The following CAPZB variants were observed in gnomAD, a reference collection of about 807,000 sequenced individuals.
CAPZB encodes the protein F-actin-capping protein subunit beta.
A neutral mutation model predicts 38.1 loss-of-function variants in CAPZB; 2 were observed. The observed-to-expected ratio is 0.05, with a 90% CI of 0.02 to 0.17. The LOEUF is 0.17. CAPZB is among the 10% of genes least tolerant of loss of function. The pLI, the probability that CAPZB is intolerant of heterozygous loss-of-function variation, is 1.00. For synonymous variants in CAPZB, 107 were observed against 127.4 expected (o/e 0.84, Z 1.08); for missense variants, 161 against 334.2 (o/e 0.48, Z 4.04).
At position 19,454,427 on chromosome 1, in the gene CAPZB, A is replaced by G. The variant is rs371250692; in HGVS notation, c.3+31009T>C. On this transcript the variant is annotated intron_variant, in intron 1 of 8. Transcript: ENST00000264202. ...TTCCAGAGAAAGTCAAGCAAATGAT[A>G]TTTGGAGGGCTTTCCTGCTGCTTTT... Among the ~76,000 whole-genome samples, 7 of 152,284 alleles carry G rather than the reference A, an allele frequency of 4.6e-5. No individual in the cohort carries two copies. The East Asian group carries it at 1.2e-3, about 25-fold the overall frequency.
intron 1 of CAPZB, among the ~76,000 whole-genome samples, chr1:19,455,506 T>G (rs910754535): frequency 3.9e-5 from 6 of 152,298 alleles, no homozygotes; most frequent in Non-Finnish European, 7.4e-5. Flanking sequence ...TCAACACACA[T>G]GGTCTGTCCT....
intron 2 of CAPZB, among the ~76,000 whole-genome samples, chr1:19,408,990 A>C (rs536919837): frequency 2.0e-4 from 30 of 152,338 alleles, no homozygotes; most frequent in African/African-American, 7.0e-4. Flanking sequence ...ACTTATGAAA[A>C]TAAAAGGTTT....
rs575612888 is a variant in CAPZB at position 19,351,632 on chromosome 1, G to A, written c.588+5003C>T. On this transcript the variant is annotated intron_variant, in intron 6 of 8. Coordinates refer to ENST00000264202, the MANE Select transcript of CAPZB (RefSeq NM_004930.5). ...ATTATCAACACTGAGTTTCAAAGAG[G>A]TGGAGGTCTGTCTAGGTCACACAGC... Among the ~76,000 whole-genome samples, 9 of 152,286 alleles carry A rather than the reference G, an allele frequency of 5.9e-5. 1 individual carries two copies. The East Asian group carries it at 1.7e-3, about 29-fold the overall frequency.
At chr1:19,466,688 C>T (rs1177068911) in intron 1 of CAPZB, among the ~76,000 whole-genome samples, 1 of 152,194 alleles carries the variant, frequency 6.6e-6, no homozygotes, top group Non-Finnish European at 1.5e-5. Flanking sequence ...ACTCCTGGTA[C>T]AGTGCTCTTT....
At chr1:19,422,404 C>T (rs1253269192) in intron 1 of CAPZB, among the ~76,000 whole-genome samples, 2 of 152,170 alleles carry the variant, frequency 1.3e-5, no homozygotes, top group Admixed American at 6.6e-5. Context: ...TTCCCAGAAT[C>T]TGATTGACAA....
intron 1 of CAPZB, among the ~76,000 whole-genome samples, chr1:19,459,680 C>G (rs2100732459): frequency 6.6e-6 from 1 of 152,262 alleles, no homozygotes; most frequent in Middle Eastern, 3.4e-3. Context: ...AACAGTCCCC[C>G]TTACCTGCAG....
chr1:19,468,078 G>A (rs2094574395), intron 1 of CAPZB, among the ~76,000 whole-genome samples: 1 of 152,162 alleles, frequency 6.6e-6, no homozygotes, highest in African/African-American at 2.4e-5. Context: ...ACTCCAGCCT[G>A]GGTGACAGAG....
chr1:19,416,860 CAAAAAAAAAAAAA>C (rs59789230), intron 2 of CAPZB, among the ~76,000 whole-genome samples: 14 of 69,452 alleles, frequency 2.0e-4, no homozygotes, highest in Admixed American at 1.1e-3. Context: ...GACCCTGTCT[CAAAAAAAAAAAAA>C]AAAAAAAAAA....
intron 2 of CAPZB, among the ~76,000 whole-genome samples, chr1:19,407,661 G>A (rs1412019453): frequency 3.3e-5 from 5 of 152,178 alleles, no homozygotes; most frequent in African/African-American, 1.2e-4. Context: ...GAGGCTGCAA[G>A]GCTGGCTTGT....
rs150779475 is a variant in CAPZB, at chr1:19,388,185, C to T, written c.94-2559G>A. On this transcript the variant is annotated intron_variant, in intron 2 of 8. Transcript: ENST00000264202. ...CTCTACTCCTATCCAAGAGATTCAT[C>T]TATGAATCGAAAGCATCTGAGTAAT... is the stretch of plus-strand genomic sequence containing the variant. 3.2e-4 allele frequency among the ~76,000 whole-genome samples: 48 copies of T among 152,340 alleles called. No homozygotes were observed. In the East Asian group the frequency reaches 6.0e-3, roughly 19 times the overall value.
chr1:19,369,357 G>A (rs554525967), intron 4 of CAPZB, among the ~76,000 whole-genome samples: 7 of 152,370 alleles, frequency 4.6e-5, no homozygotes, highest in Admixed American at 2.6e-4. Context: ...AGGCTCAGCT[G>A]TACCCCTCCA....
chr1:19,372,941 C>G (rs1262263838), intron 4 of CAPZB, among the ~76,000 whole-genome samples: 1 of 152,192 alleles, frequency 6.6e-6, no homozygotes, highest in South Asian at 2.1e-4. Context: ...AGGTGACTTG[C>G]GAGCAGATAA....
intron 2 of CAPZB, among the ~76,000 whole-genome samples, chr1:19,400,292 A>C (rs1017573247): frequency 6.6e-6 from 1 of 152,112 alleles, no homozygotes; most frequent in African/African-American, 2.4e-5. Flanking sequence ...GGGGGTGATG[A>C]TGGAGAGGAG....
At chr1:19,373,198 T>C (rs546727517) in intron 4 of CAPZB, among the ~76,000 whole-genome samples, 2 of 152,086 alleles carry the variant, frequency 1.3e-5, no homozygotes, top group Admixed American at 1.3e-4. Context: ...CAGGAGCTAG[T>C]GGACTTCAGA....
intron 1 of CAPZB, among the ~76,000 whole-genome samples, chr1:19,455,091 G>A (rs903095521): frequency 6.6e-6 from 1 of 152,272 alleles, no homozygotes; most frequent in Non-Finnish European, 1.5e-5. Flanking sequence ...CAGCCTGGCT[G>A]TGGAGACAGA....
At chr1:19,366,733 T>C (rs1394732845) in intron 4 of CAPZB, among the ~76,000 whole-genome samples, 1 of 152,080 alleles carries the variant, frequency 6.6e-6, no homozygotes, top group African/African-American at 2.4e-5. Context: ...CCAAGCTCCA[T>C]GACTGATTTT....
chr1:19,386,633 C>T (rs1276168435), intron 2 of CAPZB, among the ~76,000 whole-genome samples: 3 of 152,222 alleles, frequency 2.0e-5, no homozygotes, highest in Admixed American at 6.5e-5. Context: ...TTCCAGAAGG[C>T]CCTTGCCACC....
intron 1 of CAPZB, among the ~76,000 whole-genome samples, chr1:19,476,209 T>TAGACAGAC (rs1467913469): frequency 8.3e-5 from 11 of 132,166 alleles, no homozygotes; most frequent in African/African-American, 3.8e-4. Context: ...GATAGATAGA[T>TAGACAGAC]AGATAGATAG....
At chr1:19,352,121 A>C (rs1030400958) in intron 6 of CAPZB, among the ~76,000 whole-genome samples, 1 of 152,198 alleles carries the variant, frequency 6.6e-6, no homozygotes, top group Non-Finnish European at 1.5e-5. Flanking sequence ...GGCCCGGCCC[A>C]CCCTCTGTTC....
Sources: allele counts gnomAD v4.1 joint callset (sites outside exome capture counted in the v4.1 genomes callset), GRCh38; gene constraint gnomAD v4.1.1; transcripts MANE v1.5; gene names NCBI Gene and HGNC (gene_info 2026-07-23, HGNC 2026-07-21).